Variants in PRICKLE1 observed in about 807,000 individuals in gnomAD.
PRICKLE1 encodes prickle planar cell polarity protein 1, also known as prickle-like protein 1.
In PRICKLE1, 14 loss-of-function variants were observed where a neutral mutation model predicts 70.2. The observed-to-expected ratio is 0.20, with a 90% CI of 0.13 to 0.31. The LOEUF (loss-of-function observed/expected upper bound fraction) is 0.31, where lower values mean the gene tolerates loss of function less well. PRICKLE1 is among the 10% of genes least tolerant of loss of function. PRICKLE1 has a pLI of 1.00. For synonymous variants in PRICKLE1, 357 were observed against 379.9 expected, an observed-to-expected ratio of 0.94 and a Z score of 0.70; for missense variants, 821 against 1,026.2, an observed-to-expected ratio of 0.80 and a Z score of 2.73.
At chr12:42,586,051 C>G (rs1219103514) in intron 1 of PRICKLE1, among the ~76,000 whole-genome samples, 1 of 152,186 alleles carries the variant, frequency 6.6e-6, no homozygotes, top group African/African-American at 2.4e-5. Context: ...CACCAACCTT[C>G]TAAAGATATT....
chr12:42,477,086 G>A (rs7307790), intron 1 of PRICKLE1, among the ~76,000 whole-genome samples: 94,297 of 151,774 alleles, frequency 0.62, 29,573 homozygotes, highest in Admixed American at 0.68. Context: ...AAATTATAAA[G>A]ACGTGGCCAG....
chr12:42,496,506 T>C (rs1434482927), intron 1 of PRICKLE1, among the ~76,000 whole-genome samples: 12 of 152,232 alleles, frequency 7.9e-5, no homozygotes, highest in African/African-American at 2.7e-4. Context: ...TTTCAAAACT[T>C]GGAAGTGAGG....
intron 1 of PRICKLE1, among the ~76,000 whole-genome samples, chr12:42,573,782 G>A (rs1181385120): frequency 1.3e-5 from 2 of 152,010 alleles, no homozygotes; most frequent in African/African-American, 2.4e-5. Flanking sequence ...TGATCCACCC[G>A]CCTTGGCCTC....
At chr12:42,554,630 G>A (rs1011235386) in intron 1 of PRICKLE1, among the ~76,000 whole-genome samples, 3 of 152,152 alleles carry the variant, frequency 2.0e-5, no homozygotes, top group Admixed American at 1.3e-4. Context: ...CACAAGAGGT[G>A]AGGCAAATTC....
chr12:42,549,083 C>T (rs895729121), intron 1 of PRICKLE1, among the ~76,000 whole-genome samples: 1 of 135,732 alleles, frequency 7.4e-6, no homozygotes, highest in Non-Finnish European at 1.5e-5. Flanking sequence ...CGGGCCACTG[C>T]ACTCCAGCTT....
intron 1 of PRICKLE1, among the ~76,000 whole-genome samples, chr12:42,532,789 C>T (rs1284423502): frequency 2.0e-5 from 3 of 148,922 alleles, no homozygotes; most frequent in African/African-American, 2.5e-5. Flanking sequence ...CCCAGCTACT[C>T]GGGAGGCTGA....
chr12:42,512,950 C>CATTATT (rs34357156), intron 1 of PRICKLE1, among the ~76,000 whole-genome samples: 9 of 149,920 alleles, frequency 6.0e-5, no homozygotes, highest in Non-Finnish European at 1.2e-4. Flanking sequence ...TGCCCTAAGG[C>CATTATT]ATTATTATTA....
At chr12:42,466,091 T>C in intron 6 of PRICKLE1, 103 bp downstream of exon 6, 1 of 1,227,720 alleles carries the variant, frequency 8.1e-7, no homozygotes, top group Non-Finnish European at 1.2e-6. Context: ...GTATGTAAAT[T>C]ATATCTCAAC....
intron 1 of PRICKLE1, among the ~76,000 whole-genome samples, chr12:42,571,197 T>C (rs762722413): frequency 2.0e-5 from 3 of 151,702 alleles, no homozygotes; most frequent in Non-Finnish European, 2.9e-5. Flanking sequence ...TGAAAGGAGG[T>C]AAACATAATG....
chr12:42,477,594 C>T lies in PRICKLE1; in HGVS notation c.-48-5030G>A, dbSNP rs537946502. ...CACTATATGGTATTTACTTTTGTAGCACAGAAGGAAGAAGGGAGCCTGGCC... is the reference window on the plus strand; with the variant it reads ...CACTATATGGTATTTACTTTTGTAGTACAGAAGGAAGAAGGGAGCCTGGCC... On this transcript the variant is annotated intron_variant, in intron 1 of 7. Transcript: ENST00000345127. Among the ~76,000 whole-genome samples, 3 of 149,728 alleles carry T rather than the reference C, an allele frequency of 2.0e-5. No homozygotes were observed. In the South Asian group the frequency reaches 6.4e-4, roughly 32 times the overall value.
intron 1 of PRICKLE1, among the ~76,000 whole-genome samples, chr12:42,528,956 CTT>C (rs1475895633): frequency 6.6e-6 from 1 of 152,174 alleles, no homozygotes; most frequent in Non-Finnish European, 1.5e-5. Flanking sequence ...AAAGATGACT[CTT>C]TGCCTCTAAG....
At chr12:42,562,753 A>G (rs1940538491) in intron 1 of PRICKLE1, among the ~76,000 whole-genome samples, 1 of 152,198 alleles carries the variant, frequency 6.6e-6, no homozygotes, top group Non-Finnish European at 1.5e-5. Flanking sequence ...AATATCCTAA[A>G]TCACAGAAGG....
intron 1 of PRICKLE1, among the ~76,000 whole-genome samples, chr12:42,516,399 T>C (rs946330377): frequency 2.6e-5 from 4 of 152,172 alleles, no homozygotes; most frequent in African/African-American, 9.7e-5. Context: ...CCCAAAGTGC[T>C]GGTATTACAG....
chr12:42,477,013 T>C (rs1938564084), intron 1 of PRICKLE1, among the ~76,000 whole-genome samples: 1 of 152,148 alleles, frequency 6.6e-6, no homozygotes, highest in Non-Finnish European at 1.5e-5. Context: ...TTCTTAAGTA[T>C]ATCAGTCGGG....
chr12:42,498,830 T>A (rs1436644601), intron 1 of PRICKLE1, among the ~76,000 whole-genome samples: 1 of 152,176 alleles, frequency 6.6e-6, no homozygotes, highest in Non-Finnish European at 1.5e-5. Context: ...TGGAGCCATC[T>A]AATCACTTGC....
chr12:42,506,985 A>C (rs1013805958), intron 1 of PRICKLE1, among the ~76,000 whole-genome samples: 1 of 152,192 alleles, frequency 6.6e-6, no homozygotes, highest in African/African-American at 2.4e-5. Flanking sequence ...GAAATATAGA[A>C]ATCAAGGCCA....
intron 1 of PRICKLE1, chr12:42,550,155 T>G (rs1367980296): frequency 6.6e-6 from 1 of 152,298 alleles, no homozygotes; most frequent in Non-Finnish European, 1.5e-5. Flanking sequence ...TCCTCCAACC[T>G]GGCACACAGC....
chr12:42,527,124 TCC>T (rs1592002733), intron 1 of PRICKLE1, among the ~76,000 whole-genome samples: 2 of 114,326 alleles, frequency 1.7e-5, no homozygotes, highest in Non-Finnish European at 1.7e-5. Flanking sequence ...TTTTTTTTTT[TCC>T]TCTTTTTTTT....
intron 1 of PRICKLE1, among the ~76,000 whole-genome samples, chr12:42,532,806 A>C (rs572052313): frequency 2.4e-3 from 359 of 151,596 alleles, no homozygotes; most frequent in African/African-American, 8.5e-3. Context: ...CTGAGGCAGG[A>C]GAATGGTGTG....
Sources: gnomAD v4.1 joint callset for allele counts (sites outside exome capture counted in the v4.1 genomes callset) on GRCh38, gnomAD v4.1.1 for gene constraint, MANE v1.5 for transcripts, NCBI Gene and HGNC (gene_info 2026-07-23, HGNC 2026-07-21) for gene names.